Variants in MSRA observed in about 807,000 individuals in gnomAD.
The protein encoded by MSRA is mitochondrial peptide methionine sulfoxide reductase.
MSRA carries 54 observed loss-of-function variants against 31.3 expected under a neutral mutation model. The observed-to-expected ratio is 1.73, with a 90% CI of 1.39 to 2.17. MSRA has a LOEUF of 2.17. MSRA is among the 30% of genes most tolerant of loss of function. The pLI is 0.00. For synonymous variants in MSRA, 169 were observed against 116.5 expected (o/e 1.45, Z -2.90); for missense variants, 507 against 300.9 (o/e 1.69, Z -5.07).
chr8:10,337,910 C>T lies in MSRA; in HGVS notation c.543+17921C>T, dbSNP rs74782192. 5.1e-4 allele frequency: 340 copies of T among 662,234 alleles called. 1 individual carries two copies. In the East Asian group the frequency reaches 7.8e-3, roughly 15 times the overall value. 41.0% of individuals were successfully genotyped at this position (662,234 alleles called of 1,614,324 possible). On this transcript the variant is annotated intron_variant, in intron 5 of 5. Transcript: ENST00000317173. ...ATTCTTTGTTATGACAGCAGGGCTT[C>T]GTGTTTCTGATGCAAGACTAATAAG...
chr8:10,248,136 T>C, intron 3 of MSRA, among the ~76,000 whole-genome samples: 1 of 152,184 alleles, frequency 6.6e-6, no homozygotes, highest in Non-Finnish European at 1.5e-5. Context: ...TGCATAGTAA[T>C]TGCTGAGGTC....
chr8:10,154,731 T>C, intron 1 of MSRA, among the ~76,000 whole-genome samples: 1 of 152,140 alleles, frequency 6.6e-6, no homozygotes, highest in African/African-American at 2.4e-5. Flanking sequence ...ACAATTCTAC[T>C]TTTTTCTTGT....
At chr8:10,283,560 C>T (rs1047307735) in intron 3 of MSRA, among the ~76,000 whole-genome samples, 6 of 151,602 alleles carry the variant, frequency 4.0e-5, no homozygotes, top group Admixed American at 6.6e-5. Flanking sequence ...TACACTGAAC[C>T]GAATTTGTAG....
At chr8:10,102,192 A>C (rs912539268) in intron 1 of MSRA, among the ~76,000 whole-genome samples, 3 of 152,160 alleles carry the variant, frequency 2.0e-5, no homozygotes, top group African/African-American at 4.8e-5. Context: ...AAATTGGGAA[A>C]GTTGTCAGGC....
intron 2 of MSRA, among the ~76,000 whole-genome samples, chr8:10,222,012 G>C: frequency 6.6e-6 from 1 of 151,938 alleles, no homozygotes; most frequent in Non-Finnish European, 1.5e-5. Flanking sequence ...GGGTAATTGT[G>C]GGGACTTTAA....
intron 3 of MSRA, among the ~76,000 whole-genome samples, chr8:10,247,566 C>T (rs971227689): frequency 3.9e-5 from 6 of 152,140 alleles, no homozygotes; most frequent in African/African-American, 1.4e-4. Flanking sequence ...TTCATGCAAA[C>T]AGCTGGTATG....
intron 2 of MSRA, among the ~76,000 whole-genome samples, chr8:10,217,334 C>T (rs1039783774): frequency 1.3e-5 from 2 of 152,188 alleles, no homozygotes; most frequent in East Asian, 1.9e-4. Flanking sequence ...TCTTTGGGCT[C>T]GTGACCCTCT....
chr8:10,318,723 G>A (rs1309220843), intron 4 of MSRA, among the ~76,000 whole-genome samples: 5 of 152,160 alleles, frequency 3.3e-5, no homozygotes, highest in African/African-American at 4.8e-5. Flanking sequence ...GTTCCTGGAT[G>A]TTGGTTCTTT....
At chr8:10,214,293 T>C (rs1269023840) in intron 2 of MSRA, among the ~76,000 whole-genome samples, 2 of 152,154 alleles carry the variant, frequency 1.3e-5, no homozygotes, top group African/African-American at 2.4e-5. Flanking sequence ...TGTCCCTCTC[T>C]GGGGTACTCA....
At chr8:10,316,386 T>C (rs947806542) in intron 4 of MSRA, among the ~76,000 whole-genome samples, 2 of 152,148 alleles carry the variant, frequency 1.3e-5, no homozygotes, top group Non-Finnish European at 2.9e-5. Flanking sequence ...GGAGTGTCAG[T>C]TTCACCTTGG....
chr8:10,406,040 C>A (rs1807795221), intron 5 of MSRA, among the ~76,000 whole-genome samples: 1 of 152,254 alleles, frequency 6.6e-6, no homozygotes, highest in Non-Finnish European at 1.5e-5. Flanking sequence ...AGTGTGCTTT[C>A]CATGAGCTGA....
In MSRA at chr8:10,058,550, T is replaced by A. The variant is rs2409616; in HGVS notation, c.142+3892T>A. The stretch of plus-strand genomic sequence containing the variant: ...GAAAGAGTTACCTCCTCTCAAAGCA[T>A]TGTCTAGTTTCACCAAGATTATCTA... On this transcript the variant is annotated intron_variant, in intron 1 of 5. Transcript: ENST00000317173. Among the ~76,000 whole-genome samples the A allele has an allele frequency of 1.3e-4, 19 of 151,322 alleles. No individual in the cohort carries two copies. In the East Asian group the frequency reaches 3.7e-3, roughly 29 times the overall value.
chr8:10,390,041 C>T (rs1265737353), intron 5 of MSRA, among the ~76,000 whole-genome samples: 1 of 152,018 alleles, frequency 6.6e-6, no homozygotes, highest in Non-Finnish European at 1.5e-5. Flanking sequence ...GCCCACTCCC[C>T]ATGTGTCTCA....
intron 4 of MSRA, among the ~76,000 whole-genome samples, chr8:10,309,444 G>A (rs919672726): frequency 1.1e-4 from 17 of 152,190 alleles, no homozygotes; most frequent in Non-Finnish European, 1.8e-4. Context: ...TTGTTCTTTC[G>A]TGAATCCCAG....
At chr8:10,293,858 C>T (rs563712188) in intron 3 of MSRA, among the ~76,000 whole-genome samples, 26 of 152,154 alleles carry the variant, frequency 1.7e-4, no homozygotes, top group Non-Finnish European at 3.5e-4. Context: ...GCTGGCTACT[C>T]AGGGATCTGT....
At chr8:10,390,681 C>T (rs150511691) in intron 5 of MSRA, among the ~76,000 whole-genome samples, 14 of 152,228 alleles carry the variant, frequency 9.2e-5, no homozygotes, top group South Asian at 2.1e-4. Flanking sequence ...TCACAGGTGC[C>T]GCATTGTTTC....
intron 5 of MSRA, among the ~76,000 whole-genome samples, chr8:10,325,769 A>T (rs1802327241): frequency 6.6e-6 from 1 of 152,220 alleles, no homozygotes; most frequent in South Asian, 2.1e-4. Context: ...TTGCCGATCT[A>T]ACCAACTGCT....
chr8:10,154,201 G>A (rs1701813565), intron 1 of MSRA, among the ~76,000 whole-genome samples: 1 of 152,200 alleles, frequency 6.6e-6, no homozygotes, highest in Non-Finnish European at 1.5e-5. Flanking sequence ...CTGAATCTGT[G>A]TGGTGGACAC....
chr8:10,199,724 C>G (rs1563210081), intron 1 of MSRA, among the ~76,000 whole-genome samples: 1 of 152,160 alleles, frequency 6.6e-6, no homozygotes, highest in Non-Finnish European at 1.5e-5. Flanking sequence ...CCTCTATTTG[C>G]ATAATGCTTT....
Sources: allele counts gnomAD v4.1 joint callset (sites outside exome capture counted in the v4.1 genomes callset), GRCh38; gene constraint gnomAD v4.1.1; transcripts MANE v1.5; gene names NCBI Gene and HGNC (gene_info 2026-07-23, HGNC 2026-07-21).